The following POGLUT3 variants were observed in gnomAD, a reference collection of about 807,000 sequenced individuals.
The protein encoded by POGLUT3 is KDEL (Lys-Asp-Glu-Leu) containing 2.
POGLUT3 carries 48 observed loss-of-function variants against 54.3 expected under a neutral mutation model. The observed-to-expected ratio is 0.88, with a 90% CI of 0.70 to 1.12. The LOEUF (loss-of-function observed/expected upper bound fraction) is 1.12. Ranked by LOEUF, POGLUT3 falls within the 50% of genes most tolerant of loss-of-function variation. POGLUT3 has a pLI of 0.00. For synonymous variants in POGLUT3, 218 were observed against 237.4 expected, an observed-to-expected ratio of 0.92 and a Z score of 0.75; for missense variants, 629 against 618.7, an observed-to-expected ratio of 1.02 and a Z score of -0.18.
chr11:108,475,454 G>GTTTTTTTTTTT (rs1182179068), intron 7 of POGLUT3, among the ~76,000 whole-genome samples: 3 of 109,350 alleles, frequency 2.7e-5, no homozygotes, highest in Non-Finnish European at 5.6e-5. Context: ...TATAAATGGA[G>GTTTTTTTTTTT]TTTTTTTTGT....
In POGLUT3 at chr11:108,490,976, A is replaced by T. The variant is rs77613732; in HGVS notation, c.394T>A (p.Leu132Met). Residue 132 changes from leucine to methionine, a missense_variant, in exon 2 of 8, where the codon TTG (leucine) becomes ATG (methionine). Coordinates refer to ENST00000323468, the MANE Select transcript of POGLUT3 (RefSeq NM_153705.5). Reference protein sequence around the residue: ...DEHVAQSPYILKGPVYHEYCE... With the variant: ...DEHVAQSPYIMKGPVYHEYCE... ...GTATATAATAATCACTTACCTTTCA[A>T]AATATAGGGAGACTGAGCCACATGT... 1 of 1,613,466 alleles carries T rather than the reference A, an allele frequency of 6.2e-7. No individual in the cohort carries two copies. The highest frequency in any genetic ancestry group is 8.5e-7 in the Non-Finnish European group (1 of 1,179,476).
At chr11:108,481,575 TA>T (rs1159442623) in intron 4 of POGLUT3, among the ~76,000 whole-genome samples, 199 bp from the exon 5 acceptor site, 1 of 152,128 alleles carries the variant, frequency 6.6e-6, no homozygotes, top group East Asian at 1.9e-4. Flanking sequence ...GTTTAGAGTT[TA>T]AAAAAAACAG....
At chr11:108,477,195 A>C (rs1226153437) in intron 7 of POGLUT3, among the ~76,000 whole-genome samples, 1 of 152,136 alleles carries the variant, frequency 6.6e-6, no homozygotes, top group Non-Finnish European at 1.5e-5. Flanking sequence ...TGAGGCCAGG[A>C]GTTCAAGACC....
chr11:108,475,846 A>G (rs1446305438), intron 7 of POGLUT3, among the ~76,000 whole-genome samples: 1 of 152,152 alleles, frequency 6.6e-6, no homozygotes, highest in Admixed American at 6.5e-5. Flanking sequence ...ATGCAACAAA[A>G]TGTTGACACA....
At position 108,473,537 on chromosome 11, in the gene POGLUT3, C is replaced by G. The variant is rs72992191; in HGVS notation, c.*1290G>C. Reference sequence around the variant, plus strand: ...ATTTCCAAAGTCTTCATCGTAGCAACGACACCCACTGAAATAGAAAAGTGG... The same window carrying G: ...ATTTCCAAAGTCTTCATCGTAGCAAGGACACCCACTGAAATAGAAAAGTGG... On this transcript the variant is annotated 3_prime_UTR_variant, in exon 8 of 8. Coordinates refer to ENST00000323468, the MANE Select transcript of POGLUT3 (RefSeq NM_153705.5). 8 of 152,220 alleles carry G rather than the reference C, an allele frequency of 5.3e-5. No individual in the cohort carries two copies. Among genetic ancestry groups the G allele is most frequent in the Middle Eastern group, 3.4e-3 (1 of 294 alleles). The allele number at this position is 152,220 out of a possible 1,614,324, so 9.4% of individuals were successfully genotyped here.
At chr11:108,493,341 G>C (rs1440579104) in intron 1 of POGLUT3, among the ~76,000 whole-genome samples, 1 of 152,102 alleles carries the variant, frequency 6.6e-6, no homozygotes, top group East Asian at 1.9e-4. Flanking sequence ...TGTCATTGTT[G>C]ACATGAAATT....
intron 1 of POGLUT3, 48 bp downstream of exon 1, chr11:108,498,117 C>T: frequency 6.9e-7 from 1 of 1,453,308 alleles, no homozygotes; most frequent in Middle Eastern, 2.0e-4. Flanking sequence ...GGCGGGGACG[C>T]GCGGGGACCC....
intron 2 of POGLUT3, 159 bp from the exon 3 acceptor site, chr11:108,486,599 C>T: frequency 1.4e-6 from 1 of 702,908 alleles, no homozygotes; most frequent in Non-Finnish European, 2.3e-6. Context: ...GAGTCCTACA[C>T]TTTTACTTTC....
chr11:108,475,463 G>GTT (rs367899085), intron 7 of POGLUT3, among the ~76,000 whole-genome samples: 28,794 of 104,538 alleles, frequency 0.28, 4,111 homozygotes, highest in South Asian at 0.43. Flanking sequence ...AGTTTTTTTT[G>GTT]TTTTTGTTTT....
rs1591637212 is a variant in POGLUT3, at chr11:108,472,173, T to C, written c.*2654A>G. The C allele has an allele frequency of 6.6e-6, 1 of 152,262 alleles. No individual in the cohort carries two copies. Among genetic ancestry groups the C allele is most frequent in the East Asian group, 1.9e-4 (1 of 5,188 alleles). The allele number at this position is 152,262 out of a possible 1,614,324, so 9.4% of individuals were successfully genotyped here. ...GTATATATATACATAAGTCCCAAGA[T>C]ATAAAGTTCTAAACATAGATTTAAA... On this transcript the variant is annotated 3_prime_UTR_variant, in exon 8 of 8. Transcript: ENST00000323468.
In POGLUT3 at chr11:108,479,602, T is replaced by C. The variant is rs1402972537; in HGVS notation, c.1099-107A>G. ...ACTACAGAGGAATTATTTTCCATTT[T>C]CCAACTTTTTTGTGTTTAAAAGTTT... On this transcript the variant is annotated intron_variant, in intron 5 of 7. Coordinates refer to ENST00000323468, the MANE Select transcript of POGLUT3 (RefSeq NM_153705.5). 4.1e-6 allele frequency: 3 copies of C among 739,872 alleles called. No homozygotes were observed. In the East Asian group the frequency reaches 9.6e-5, roughly 24 times the overall value. 45.8% of individuals were successfully genotyped at this position (739,872 alleles called of 1,614,324 possible).
intron 1 of POGLUT3, among the ~76,000 whole-genome samples, chr11:108,494,205 G>C (rs1390256422): frequency 6.6e-6 from 1 of 152,194 alleles, no homozygotes; most frequent in Non-Finnish European, 1.5e-5. Flanking sequence ...TAGCTTTGCA[G>C]CAGTCACAGT....
rs1004860965 is a variant in POGLUT3 at position 108,481,204 on chromosome 11, C to T, written c.1074G>A (p.Leu358=). The T allele has an allele frequency of 1.2e-6, 2 of 1,610,366 alleles. No individual in the cohort carries two copies. Among genetic ancestry groups the T allele is most frequent in the Non-Finnish European group, 1.7e-6 (2 of 1,179,068 alleles). The change falls in exon 5 of 8, where the codon TTG becomes TTA. Residue 358 remains leucine, a synonymous_variant. Transcript: ENST00000323468. ...CCTTAAAGAAATCAAAGAAACCCAT[C>T]AACTTGGCTTTTCCAAGCTCCTTTT... ...EKEKELGKAK[L]MGFFDFFKYK...
chr11:108,484,615 C>T (rs1357614901), intron 3 of POGLUT3, among the ~76,000 whole-genome samples: 1 of 152,082 alleles, frequency 6.6e-6, no homozygotes, highest in Non-Finnish European at 1.5e-5. Context: ...AAAAATTAGC[C>T]AGGCATGGCG....
chr11:108,498,195 C>G lies in POGLUT3; in HGVS notation c.172G>C (p.Glu58Gln). The change falls in exon 1 of 8, where the codon GAG becomes CAG. Residue 58 changes from glutamate to glutamine, a missense_variant. Glu to Gln is a conservative substitution (Grantham distance 29, BLOSUM62 2). Coordinates refer to ENST00000323468, the MANE Select transcript of POGLUT3 (RefSeq NM_153705.5). ...RYFYLQAVNS[E>Q]GQNLTRSPAG... The stretch of plus-strand genomic sequence containing the variant: ...GGAGAGCGAGTGAGGTTCTGGCCCT[C>G]CGAGTTGACCGCCTGCAGGTAGAAA... The G allele has an allele frequency of 6.6e-7, 1 of 1,520,704 alleles. No homozygotes were observed. Among genetic ancestry groups the G allele is most frequent in the Non-Finnish European group, 8.8e-7 (1 of 1,136,052 alleles). 94.2% of individuals were successfully genotyped at this position (1,520,704 alleles called of 1,614,324 possible). A position where few individuals can be genotyped will look rare whatever the true frequency, so the allele number is the denominator to read the frequency against.
chr11:108,494,455 C>T (rs893279), intron 1 of POGLUT3, among the ~76,000 whole-genome samples: 57,143 of 152,092 alleles, frequency 0.38, 11,639 homozygotes, highest in Middle Eastern at 0.63. Flanking sequence ...TGACGTACGA[C>T]AATCATATTA....
At chr11:108,495,744 G>A (rs571224276) in intron 1 of POGLUT3, among the ~76,000 whole-genome samples, 1 of 151,936 alleles carries the variant, frequency 6.6e-6, no homozygotes, top group East Asian at 2.0e-4. Flanking sequence ...CTGCAACCTT[G>A]AGCTCCTGGG....
rs146568850 is a variant in POGLUT3 at position 108,478,475 on chromosome 11, T to C, written c.1294-764A>G. Among the ~76,000 whole-genome samples the C allele has an allele frequency of 7.3e-3, 1,113 of 152,296 alleles. 10 individuals are homozygous for C. The highest frequency in any genetic ancestry group is 0.024 in the African/African-American group (991 of 41,572). The stretch of plus-strand genomic sequence containing the variant: ...GTTACAACATCTTTTAAAAGCTCCA[T>C]GCAAATACGCAGTCAACGTCAAAAA... On this transcript the variant is annotated intron_variant, in intron 6 of 7. Transcript: ENST00000323468.
Position 108,486,327 on chromosome 11 carries a change from T to C in POGLUT3, c.514A>G (p.Ser172Gly), listed in dbSNP as rs577480132. ...TTTAGCATTTGCTGGAGATTGATGC[T>C]GGGAAAGGAAGCAAAATCTTTTGCA... is the stretch of plus-strand genomic sequence containing the variant. The part of the protein sequence containing the change: ...QIAKDFASFP[S>G]INLQQMLKEV... Residue 172 changes from serine to glycine, a missense_variant, in exon 3 of 8, where the codon AGC (serine) becomes GGC (glycine). Ser to Gly is a moderately conservative substitution (Grantham distance 56, BLOSUM62 0). Transcript: ENST00000323468. 3 of 1,614,136 alleles carry C rather than the reference T, an allele frequency of 1.9e-6. No individual in the cohort carries two copies. In the South Asian group the frequency reaches 3.3e-5, roughly 18 times the overall value.
Sources: gnomAD v4.1 joint callset for allele counts (sites outside exome capture counted in the v4.1 genomes callset) on GRCh38, gnomAD v4.1.1 for gene constraint, MANE v1.5 for transcripts, NCBI Gene and HGNC (gene_info 2026-07-23, HGNC 2026-07-21) for gene names.